CDCP2: variants seen among roughly 807,000 people sequenced by gnomAD.
The protein encoded by CDCP2 is CUB domain-containing protein 2.
Under a neutral mutation model 31.0 loss-of-function variants are expected in CDCP2, and 31 were observed. That is an observed-to-expected ratio of 1.00 (90% CI 0.75 to 1.35). The LOEUF is 1.35. CDCP2 is among the 40% of genes most tolerant of loss of function. The pLI is 0.00. For synonymous variants in CDCP2, 206 were observed against 207.9 expected, an observed-to-expected ratio of 0.99 and a Z score of 0.08; for missense variants, 443 against 482.6, an observed-to-expected ratio of 0.92 and a Z score of 0.77.
chr1:54,138,570 AT>A (rs1361166727), intron 4 of CDCP2: 7 of 152,264 alleles, frequency 4.6e-5, no homozygotes, highest in Admixed American at 4.6e-4. Context: ...GGATCCAGGC[AT>A]TGTGACCTTG....
At chr1:54,137,692 T>TGTGTGTGTGTGTGTGCGCGCAC (rs60839953) in intron 4 of CDCP2, 2 of 146,090 alleles carry the variant, frequency 1.4e-5, no homozygotes, top group East Asian at 2.1e-4. Flanking sequence ...TGCGTGTGTG[T>TGTGTGTGTGTGTGTGCGCGCAC]GTGTGTGTGT....
intron 2 of CDCP2, chr1:54,142,420 A>G (rs559017727): frequency 2.0e-5 from 3 of 152,354 alleles, no homozygotes; most frequent in South Asian, 2.1e-4. Flanking sequence ...ATTAGAAATC[A>G]TAAGACTGAA....
At chr1:54,142,578 C>T (rs680509) in intron 2 of CDCP2, 127,869 of 152,250 alleles carry the variant, frequency 0.84, 53,811 homozygotes, top group East Asian at 0.98. Flanking sequence ...GGAGGACATA[C>T]GTGGGATGTG....
At chr1:54,146,181 ATT>A (rs11314265) in intron 1 of CDCP2, among the ~76,000 whole-genome samples, 277 of 145,234 alleles carry the variant, frequency 1.9e-3, no homozygotes, top group Middle Eastern at 6.9e-3. Flanking sequence ...GGTAAGTATA[ATT>A]TTTTTTTTTT....
chr1:54,144,638 G>A (rs1659430569), exon 2 of CDCP2: 8 of 1,613,402 alleles, frequency 5.0e-6, no homozygotes, highest in Non-Finnish European at 6.8e-6. Flanking sequence ...CCAGAAAGTC[G>A]AAGCTGCAGG....
chr1:54,136,681 G>A (rs1056624561), exon 5 of CDCP2: 3 of 398,996 alleles, frequency 7.5e-6, no homozygotes, highest in Admixed American at 4.4e-5. Flanking sequence ...TGAGGTTGCC[G>A]CCGACCTCCT....
chr1:54,137,022 G>C (rs1396900199), intron 4 of CDCP2, among the ~76,000 whole-genome samples: 1 of 152,218 alleles, frequency 6.6e-6, no homozygotes, highest in Non-Finnish European at 1.5e-5. Flanking sequence ...CTCAGGGAAG[G>C]CACCAAGTTT....
At chr1:54,141,159 C>G (rs1262884072) in exon 3 of CDCP2, 1 of 1,565,614 alleles carries the variant, frequency 6.4e-7, no homozygotes, top group Admixed American at 1.9e-5. Flanking sequence ...TGAAGACCAC[C>G]TGCAGTTCGT....
intron 4 of CDCP2, among the ~76,000 whole-genome samples, chr1:54,137,317 C>T (rs1042185769): frequency 6.6e-6 from 1 of 152,024 alleles, no homozygotes; most frequent in Non-Finnish European, 1.5e-5. Context: ...GTAAAATACA[C>T]CCACGTGTCA....
At chr1:54,151,564 GC>G (rs1659584486) in intron 1 of CDCP2, among the ~76,000 whole-genome samples, 1 of 152,160 alleles carries the variant, frequency 6.6e-6, no homozygotes, top group African/African-American at 2.4e-5. Context: ...GGCCCCTTAA[GC>G]CCCAGTGGCC....
At chr1:54,140,043 G>A in exon 4 of CDCP2, 1 of 1,613,856 alleles carries the variant, frequency 6.2e-7, no homozygotes. Flanking sequence ...GTTGGGGTAG[G>A]AGCTGGGGTA....
At chr1:54,139,573 C>A (rs747338763) in intron 4 of CDCP2, 180 bp downstream of exon 4, 7 of 1,613,682 alleles carry the variant, frequency 4.3e-6, no homozygotes, top group African/African-American at 1.3e-5. Context: ...GGAGCCGTAC[C>A]GTCCAGTCTT....
chr1:54,133,411 C>T (rs548130212), intron 5 of CDCP2, 117 bp from the exon 6 acceptor site: 18 of 397,638 alleles, frequency 4.5e-5, no homozygotes, highest in Non-Finnish European at 7.5e-5. Context: ...GTGTTCTAGT[C>T]CTAACTCTGA....
At chr1:54,151,506 T>C (rs1202203330) in intron 1 of CDCP2, among the ~76,000 whole-genome samples, 2 of 152,294 alleles carry the variant, frequency 1.3e-5, no homozygotes, top group East Asian at 3.9e-4. Context: ...GCAGAGGCCT[T>C]GTCCACTAGG....
chr1:54,133,438 C>T (rs903350302), intron 5 of CDCP2, 144 bp from the exon 6 acceptor site: 7 of 397,530 alleles, frequency 1.8e-5, no homozygotes, highest in African/African-American at 1.2e-4. Flanking sequence ...GTGATCCCAT[C>T]TGTAAAAGGA....
intron 1 of CDCP2, among the ~76,000 whole-genome samples, chr1:54,149,465 C>T (rs1323491097): frequency 2.0e-5 from 3 of 149,326 alleles, no homozygotes; most frequent in Admixed American, 6.6e-5. Context: ...TTGATGGGGA[C>T]GTAGGGATTC....
chr1:54,149,021 T>C (rs1659529474), intron 1 of CDCP2, among the ~76,000 whole-genome samples: 1 of 147,834 alleles, frequency 6.8e-6, no homozygotes, highest in South Asian at 2.1e-4. Flanking sequence ...TATATATATA[T>C]ATTTGGTCAA....
intron 4 of CDCP2, chr1:54,138,165 AG>A (rs542953388): frequency 9.5e-4 from 145 of 152,436 alleles, no homozygotes; most frequent in African/African-American, 3.3e-3. Flanking sequence ...TAAATCACAC[AG>A]GGCTGGGAGA....
exon 3 of CDCP2, chr1:54,141,267 G>A (rs1202607804): frequency 1.2e-6 from 2 of 1,614,114 alleles, no homozygotes; most frequent in Non-Finnish European, 1.7e-6. Context: ...AGTCATAGGT[G>A]CACTCTTCAT....
Sources: gnomAD v4.1 joint callset for allele counts (sites outside exome capture counted in the v4.1 genomes callset) on GRCh38, gnomAD v4.1.1 for gene constraint, MANE v1.5 for transcripts, NCBI Gene and HGNC (gene_info 2026-07-23, HGNC 2026-07-21) for gene names.